The following B3GALT1 variants were observed in gnomAD, a reference collection of about 807,000 sequenced individuals.
The protein encoded by B3GALT1 is UDP-Gal:betaGlcNAc beta 1,3-galactosyltransferase, polypeptide 1.
A neutral mutation model predicts 23.2 loss-of-function variants in B3GALT1; 10 were observed. The ratio of observed to expected loss-of-function variants is 0.43; its 90% CI spans 0.27 to 0.73. The LOEUF is 0.73. Among genes scored for constraint, B3GALT1 ranks in the 30% least tolerant of loss-of-function variants. The pLI, the probability that B3GALT1 is intolerant of heterozygous loss-of-function variation, is 0.21. For synonymous variants in B3GALT1, 156 were observed against 141.5 expected (o/e 1.10, Z -0.73); for missense variants, 299 against 405.4 (o/e 0.74, Z 2.25).
At chr2:167,352,853 T>A (rs924419240) in intron 1 of B3GALT1, among the ~76,000 whole-genome samples, 1 of 151,872 alleles carries the variant, frequency 6.6e-6, no homozygotes. Context: ...ACCCAGTATC[T>A]CAAAGGAGAG....
rs575495669 is a variant in B3GALT1, at chr2:167,664,793, G to A, written c.-352+17827G>A. 4.6e-5 allele frequency among the ~76,000 whole-genome samples: 7 copies of A among 151,598 alleles called. No individual in the cohort carries two copies. The East Asian group carries it at 1.4e-3, about 29-fold the overall frequency. On this transcript the variant is annotated intron_variant, in intron 3 of 4. Transcript: ENST00000392690. ...GTTATTGGTGTATAAGAATGCTTGTGATTTTTGTACATTGATTTTGTATCC... is the reference window on the plus strand; with the variant it reads ...GTTATTGGTGTATAAGAATGCTTGTAATTTTTGTACATTGATTTTGTATCC...
At chr2:167,841,682 T>G (rs1689652782) in intron 4 of B3GALT1, among the ~76,000 whole-genome samples, 1 of 152,182 alleles carries the variant, frequency 6.6e-6, no homozygotes, top group African/African-American at 2.4e-5. Flanking sequence ...CAGGCTGTTT[T>G]GTTTTTTCTT....
At chr2:167,805,510 T>G (rs1255350964) in intron 3 of B3GALT1, among the ~76,000 whole-genome samples, 1 of 152,296 alleles carries the variant, frequency 6.6e-6, no homozygotes, top group African/African-American at 2.4e-5. Context: ...TTGTATAAGG[T>G]GTAAGGAAGA....
At chr2:167,565,292 C>T (rs1370201326) in intron 2 of B3GALT1, among the ~76,000 whole-genome samples, 2 of 152,206 alleles carry the variant, frequency 1.3e-5, no homozygotes, top group African/African-American at 2.4e-5. Context: ...GCTGGGACAA[C>T]TGGCTAGCCA....
At chr2:167,786,833 C>T (rs888879514) in intron 3 of B3GALT1, among the ~76,000 whole-genome samples, 11 of 152,140 alleles carry the variant, frequency 7.2e-5, no homozygotes, top group Non-Finnish European at 1.3e-4. Context: ...AAATATCTGA[C>T]GAGCTTGGCA....
chr2:167,852,073 A>T (rs562402519), intron 4 of B3GALT1, among the ~76,000 whole-genome samples: 2 of 152,204 alleles, frequency 1.3e-5, no homozygotes, highest in African/African-American at 4.8e-5. Flanking sequence ...TTGGCAGTGA[A>T]GTTATGTTGT....
At chr2:167,312,226 G>A (rs966190579) in intron 1 of B3GALT1, among the ~76,000 whole-genome samples, 1 of 151,932 alleles carries the variant, frequency 6.6e-6, no homozygotes, top group Non-Finnish European at 1.5e-5. Flanking sequence ...AAAGAGCAAA[G>A]AAGGTGGTAA....
intron 1 of B3GALT1, among the ~76,000 whole-genome samples, chr2:167,477,545 G>A (rs957841411): frequency 1.3e-5 from 2 of 152,174 alleles, no homozygotes; most frequent in Non-Finnish European, 2.9e-5. Context: ...CCAAAGAAAC[G>A]TTTCTACTAA....
intron 3 of B3GALT1, among the ~76,000 whole-genome samples, chr2:167,774,829 A>G (rs1286493383): frequency 3.3e-5 from 5 of 152,076 alleles, no homozygotes; most frequent in African/African-American, 4.8e-5. Context: ...AACTTAAGCT[A>G]ATGAACCAAG....
At chr2:167,615,605 C>T (rs890502070) in intron 2 of B3GALT1, among the ~76,000 whole-genome samples, 3 of 151,558 alleles carry the variant, frequency 2.0e-5, no homozygotes, top group African/African-American at 4.9e-5. Flanking sequence ...ATACATGTAT[C>T]GAAACGTGTT....
intron 3 of B3GALT1, among the ~76,000 whole-genome samples, chr2:167,686,235 C>T (rs1686614820): frequency 6.6e-6 from 1 of 152,196 alleles, no homozygotes; most frequent in Non-Finnish European, 1.5e-5. Flanking sequence ...TCATGTGCCA[C>T]ATTCATCTCC....
At chr2:167,686,721 A>T (rs1430672597) in intron 3 of B3GALT1, among the ~76,000 whole-genome samples, 1 of 152,208 alleles carries the variant, frequency 6.6e-6, no homozygotes, top group East Asian at 1.9e-4. Flanking sequence ...GTGCACACTT[A>T]CACGCATACA....
chr2:167,790,361 C>T (rs1415288717), intron 3 of B3GALT1, among the ~76,000 whole-genome samples: 1 of 152,176 alleles, frequency 6.6e-6, no homozygotes, highest in Non-Finnish European at 1.5e-5. Flanking sequence ...CATCTGCTGG[C>T]ACAGAATGTC....
intron 1 of B3GALT1, among the ~76,000 whole-genome samples, chr2:167,449,758 G>C (rs1459514610): frequency 2.0e-5 from 3 of 152,076 alleles, no homozygotes; most frequent in Non-Finnish European, 2.9e-5. Flanking sequence ...CTACATTGAG[G>C]TATGTCCCTT....
chr2:167,383,365 C>A (rs1041106007), intron 1 of B3GALT1, among the ~76,000 whole-genome samples: 2 of 152,046 alleles, frequency 1.3e-5, no homozygotes, highest in African/African-American at 4.8e-5. Flanking sequence ...TCAGAGATGT[C>A]ATGGAAGCAG....
At chr2:167,361,630 G>C (rs1244228499) in intron 1 of B3GALT1, among the ~76,000 whole-genome samples, 3 of 152,202 alleles carry the variant, frequency 2.0e-5, no homozygotes, top group African/African-American at 7.2e-5. Flanking sequence ...CTTTTCCTTT[G>C]TCAGAGCAAC....
intron 4 of B3GALT1, among the ~76,000 whole-genome samples, chr2:167,833,805 C>T (rs1034288615): frequency 1.3e-5 from 2 of 152,144 alleles, no homozygotes; most frequent in African/African-American, 4.8e-5. Context: ...ATGATCAGAT[C>T]TGAGTACAAA....
At chr2:167,597,331 A>G (rs186713719) in intron 2 of B3GALT1, among the ~76,000 whole-genome samples, 79 of 151,968 alleles carry the variant, frequency 5.2e-4, no homozygotes, top group Admixed American at 8.5e-4. Flanking sequence ...TAAACAAGAT[A>G]GTCTCGATCT....
chr2:167,731,793 T>C (rs1029826983), intron 3 of B3GALT1, among the ~76,000 whole-genome samples: 7 of 152,222 alleles, frequency 4.6e-5, no homozygotes, highest in Non-Finnish European at 8.8e-5. Flanking sequence ...GGTTGGATCA[T>C]GGACTGTCCT....
Sources: gnomAD v4.1 joint callset for allele counts (sites outside exome capture counted in the v4.1 genomes callset) on GRCh38, gnomAD v4.1.1 for gene constraint, MANE v1.5 for transcripts, NCBI Gene and HGNC (gene_info 2026-07-23, HGNC 2026-07-21) for gene names.